Variants in BUB1 observed in about 807,000 individuals in gnomAD.
BUB1 encodes the protein BUB1 mitotic checkpoint serine/threonine kinase.
In BUB1, 84 loss-of-function variants were observed where a neutral mutation model predicts 135.2. That is an observed-to-expected ratio of 0.62 (90% confidence interval 0.52 to 0.74). The LOEUF is 0.74. Among genes scored for constraint, BUB1 ranks in the 30% least tolerant of loss-of-function variants. The probability of loss-of-function intolerance (pLI) is 0.00; values close to 1 mark genes in which losing one functional copy is unlikely to be tolerated. For missense variants in BUB1, 1,162 were observed against 1,288.3 expected, an observed-to-expected ratio of 0.90 and a Z score of 1.50; for synonymous variants, 403 against 434.4, an observed-to-expected ratio of 0.93 and a Z score of 0.90.
chr2:110,672,787 G>A lies in BUB1; in HGVS notation c.296C>T (p.Ser99Phe), dbSNP rs1690456979. 6.2e-7 allele frequency: 1 copy of A among 1,614,016 alleles called. No homozygotes were observed. Among genetic ancestry groups the A allele is most frequent in the Non-Finnish European group, 8.5e-7 (1 of 1,179,986 alleles). ...CCCCGCCCAGGCAATGTACAGAGGG[G>A]ATGACAGGGTTCCAATCCCATGGTT... is the stretch of plus-strand genomic sequence containing the variant. ...LYNHGIGTLS[S>F]PLYIAWAGHL... Residue 99 changes from serine (S) to phenylalanine (F), a missense_variant, in exon 4 of 25, where the codon TCC (serine) becomes TTC (phenylalanine). Coordinates refer to ENST00000302759, the MANE Select transcript of BUB1 (RefSeq NM_004336.5).
chr2:110,650,803 T>C lies in BUB1; in HGVS notation c.1965-19A>G. 1.3e-6 allele frequency: 2 copies of C among 1,592,952 alleles called. No homozygotes were observed. Among genetic ancestry groups the C allele is most frequent in the Non-Finnish European group, 1.7e-6 (2 of 1,161,362 alleles). On this transcript the variant is annotated intron_variant, in intron 17 of 24. Transcript: ENST00000302759. Reference sequence around the variant, plus strand: ...AATTGGACTGGACGTGTGAAAGGAATAAAGAAACCAAAACACCACATGATT... The same window carrying C: ...AATTGGACTGGACGTGTGAAAGGAACAAAGAAACCAAAACACCACATGATT...
At chr2:110,638,831 A>C (rs1689425761) in intron 24 of BUB1, among the ~76,000 whole-genome samples, 1 of 152,246 alleles carries the variant, frequency 6.6e-6, no homozygotes, top group Admixed American at 6.5e-5. Flanking sequence ...CATTATGCAG[A>C]ATAAAGAATA....
At position 110,649,238 on chromosome 2, in the gene BUB1, T is replaced by C. The variant is rs1214273750; in HGVS notation, c.2343A>G (p.Gln781=). ...LPAIKPKTEF[Q]LGSKLVYVHH... ...TATTATCCAAATAATTCTTACCCAA[T>C]TGAAATTCAGTCTTGGGCTTGATGG... Residue 781 remains glutamine, a synonymous_variant, in exon 19 of 25, where the codon CAA becomes CAG. Coordinates refer to ENST00000302759, the MANE Select transcript of BUB1 (RefSeq NM_004336.5). 4 of 1,604,422 alleles carry C rather than the reference T, an allele frequency of 2.5e-6. No homozygotes were observed. The highest frequency in any genetic ancestry group is 1.3e-5 in the African/African-American group (1 of 74,194).
chr2:110,658,577 G>A, intron 12 of BUB1, 37 bp downstream of exon 12: 1 of 1,614,002 alleles, frequency 6.2e-7, no homozygotes, highest in Non-Finnish European at 8.5e-7. Context: ...TCATTAACTT[G>A]TCATCAGGTG....
chr2:110,661,652 C>G lies in BUB1; in HGVS notation c.1147G>C (p.Ala383Pro). ...TGGGCTTTCAAAGGAACAGGAGGAG[C>G]AATGCTCTGGCTGGTGGCTGGGGAC... ...LVSPATSQSI[A>P]PPVPLKAQTV... Residue 383 changes from alanine to proline, a missense_variant, in exon 10 of 25, where the codon GCT (alanine) becomes CCT (proline). Coordinates refer to ENST00000302759, the MANE Select transcript of BUB1 (RefSeq NM_004336.5). 6.2e-7 allele frequency: 1 copy of G among 1,614,164 alleles called. No homozygotes were observed. Among genetic ancestry groups the G allele is most frequent in the Non-Finnish European group, 8.5e-7 (1 of 1,180,034 alleles).
chr2:110,660,274 G>A (rs2104541139), intron 10 of BUB1, among the ~76,000 whole-genome samples: 1 of 152,222 alleles, frequency 6.6e-6, no homozygotes, highest in Middle Eastern at 3.4e-3. Flanking sequence ...TACTTGGGAG[G>A]CTGAGGCAGG....
Position 110,657,055 on chromosome 2 carries a change from C to T in BUB1, c.1679G>A (p.Arg560Lys). 6.2e-7 allele frequency: 1 copy of T among 1,612,962 alleles called. No individual in the cohort carries two copies. The highest frequency in any genetic ancestry group is 8.5e-7 in the Non-Finnish European group (1 of 1,179,320). The change falls in exon 15 of 25, where the codon AGA becomes AAA. Residue 560 changes from arginine to lysine, a missense_variant. By Grantham distance (26) the Arg-to-Lys change is conservative. Coordinates refer to ENST00000302759, the MANE Select transcript of BUB1 (RefSeq NM_004336.5). ...GTTTACCTTTGGTTTTGAAGGAAGTCTGCTGACAGAGCGTTCTCCAAAGGT... is the reference window on the plus strand; with the variant it reads ...GTTTACCTTTGGTTTTGAAGGAAGTTTGCTGACAGAGCGTTCTCCAAAGGT... ...ARTFGERSVS[R>K]LPSKPKEEVP... is the part of the protein sequence containing the mutation.
chr2:110,661,756 G>T lies in BUB1; in HGVS notation c.1043C>A (p.Pro348Gln). 10 of 1,614,192 alleles carry T rather than the reference G, an allele frequency of 6.2e-6. No homozygotes were observed. The highest frequency in any genetic ancestry group is 1.1e-5 in the South Asian group (1 of 91,084). Reference sequence around the variant, plus strand: ...TCTTGGGTTCTTTTCCATGTTCACTGGTGTCTGCTGATAGGTTACTGGAAG... The same window carrying T: ...TCTTGGGTTCTTTTCCATGTTCACTTGTGTCTGCTGATAGGTTACTGGAAG... ...PCLPVTYQQT[P>Q]VNMEKNPREA... is the part of the protein sequence containing the mutation. Residue 348 changes from proline (P) to glutamine (Q), a missense_variant, in exon 10 of 25, where the codon CCA becomes CAA. Coordinates refer to ENST00000302759, the MANE Select transcript of BUB1 (RefSeq NM_004336.5).
intron 16 of BUB1, among the ~76,000 whole-genome samples, 162 bp downstream of exon 16, chr2:110,655,577 T>C (rs1286447567): frequency 2.6e-5 from 4 of 152,154 alleles, no homozygotes; most frequent in Admixed American, 1.3e-4. Flanking sequence ...AAAAAACCTA[T>C]GAACAAAAAT....
At chr2:110,655,287 CAT>C (rs778924134) in intron 16 of BUB1, among the ~76,000 whole-genome samples, 10 of 152,116 alleles carry the variant, frequency 6.6e-5, no homozygotes, top group African/African-American at 7.2e-5. Flanking sequence ...ATAAAGTTGA[CAT>C]ATATGTGTGT....
chr2:110,672,936 C>T, intron 3 of BUB1, 79 bp from the exon 4 acceptor site: 2 of 1,393,964 alleles, frequency 1.4e-6, no homozygotes, highest in Non-Finnish European at 1.9e-6. Context: ...GCCAGCTAAG[C>T]TGGGAGCCCC....
At position 110,674,189 on chromosome 2, in the gene BUB1, T is replaced by G; in HGVS notation, c.122A>C (p.Asn41Thr). The G allele has an allele frequency of 1.2e-6, 2 of 1,600,798 alleles. No individual in the cohort carries two copies. Among genetic ancestry groups the G allele is most frequent in the South Asian group, 2.2e-5 (2 of 90,314 alleles). The change falls in exon 3 of 25, where the codon AAT becomes ACT. Residue 41 changes from asparagine to threonine, a missense_variant. Coordinates refer to ENST00000302759, the MANE Select transcript of BUB1 (RefSeq NM_004336.5). The stretch of plus-strand genomic sequence containing the variant: ...TAGTAAAGTTATCAAGTATTCTTTA[T>G]TCTCAGGAAAATTCTCTTCTACCCA... ...IQWVEENFPE[N>T]KEYLITLLEH... is the part of the protein sequence containing the mutation.
At chr2:110,640,995 CAG>C in intron 23 of BUB1, 37 bp downstream of exon 23, 1 of 1,514,938 alleles carries the variant, frequency 6.6e-7, no homozygotes. Context: ...AAGCGCAACA[CAG>C]AAAAATATTT....
At chr2:110,669,626 T>C in intron 5 of BUB1, 73 bp from the exon 6 acceptor site, 1 of 944,128 alleles carries the variant, frequency 1.1e-6, no homozygotes, top group Non-Finnish European at 1.7e-6. Context: ...ACATAATAAA[T>C]TCCCCTGATC....
At position 110,641,041 on chromosome 2, in the gene BUB1, T is replaced by G; in HGVS notation, c.2948A>C (p.Asn983Thr). Residue 983 changes from asparagine to threonine, a missense_variant, in exon 23 of 25, where the codon AAC (asparagine) becomes ACC (threonine). Asn to Thr is a moderately conservative substitution (Grantham distance 65). Coordinates refer to ENST00000302759, the MANE Select transcript of BUB1 (RefSeq NM_004336.5). The stretch of plus-strand genomic sequence containing the variant: ...CTCACTTTAGTTTTATACCTGGTAG[T>G]TCCATGGTTTGTTGCTGAGCATCTC... ...CVEMLSNKPW[N>T]YQIDYFGVAA... 2 of 1,575,628 alleles carry G rather than the reference T, an allele frequency of 1.3e-6. No individual in the cohort carries two copies. Among genetic ancestry groups the G allele is most frequent in the Non-Finnish European group, 1.7e-6 (2 of 1,163,680 alleles).
At position 110,669,521 on chromosome 2, in the gene BUB1, C is replaced by T. The variant is rs772759859; in HGVS notation, c.499G>A (p.Val167Ile). The T allele has an allele frequency of 4.9e-5, 79 of 1,609,188 alleles. No homozygotes were observed. Among genetic ancestry groups the T allele is most frequent in the Admixed American group, 4.0e-4 (24 of 60,002 alleles). ...RTSEPLHNVQ[V>I]LNQMITSKSN... ...TTTGATGTTATCATTTGATTTAAAA[C>T]CTGAACATTATGCAGAGGTTCTGAG... The change falls in exon 6 of 25, where the codon GTT becomes ATT. Residue 167 changes from valine (V) to isoleucine (I), a missense_variant. Transcript: ENST00000302759.
At chr2:110,653,322 G>T in intron 17 of BUB1, 114 bp downstream of exon 17, 1 of 1,047,366 alleles carries the variant, frequency 9.5e-7, no homozygotes, top group East Asian at 2.5e-5. Flanking sequence ...TGGCCTTTAA[G>T]GCTAAAATTA....
At chr2:110,644,976 C>G (rs1689605799) in intron 19 of BUB1, among the ~76,000 whole-genome samples, 1 of 151,998 alleles carries the variant, frequency 6.6e-6, no homozygotes, top group African/African-American at 2.4e-5. Context: ...AACTCAAAAT[C>G]AGAGAAGGAA....
intron 17 of BUB1, 68 bp from the exon 18 acceptor site, chr2:110,650,852 A>G: frequency 7.1e-7 from 1 of 1,398,604 alleles, no homozygotes; most frequent in Non-Finnish European, 1.0e-6. Flanking sequence ...ATTCAGTCAC[A>G]TGAAATTCCC....
Sources: gnomAD v4.1 joint callset for allele counts (sites outside exome capture counted in the v4.1 genomes callset) on GRCh38, gnomAD v4.1.1 for gene constraint, MANE v1.5 for transcripts, NCBI Gene and HGNC (gene_info 2026-07-23, HGNC 2026-07-21) for gene names.